Variants in IMMP2L observed in about 807,000 individuals in gnomAD.
IMMP2L encodes the protein mitochondrial inner membrane protease subunit 2.
IMMP2L carries 18 observed loss-of-function variants against 19.3 expected under a neutral mutation model. That is an observed-to-expected ratio of 0.93 (90% confidence interval 0.64 to 1.38). The LOEUF is 1.38. Among genes scored for constraint, IMMP2L ranks in the 40% most tolerant of loss-of-function variants. The probability of loss-of-function intolerance (pLI) is 0.00; values close to 1 mark genes in which losing one functional copy is unlikely to be tolerated. For missense variants in IMMP2L, 233 were observed against 218.2 expected (o/e 1.07, Z -0.43); for synonymous variants, 76 against 73.0 (o/e 1.04, Z -0.21).
At chr7:111,431,624 T>C (rs1836643885) in intron 3 of IMMP2L, among the ~76,000 whole-genome samples, 1 of 151,762 alleles carries the variant, frequency 6.6e-6, no homozygotes, top group Admixed American at 6.6e-5. Context: ...AGAGGGTGGT[T>C]AGGGCCACAA....
intron 3 of IMMP2L, among the ~76,000 whole-genome samples, chr7:111,007,658 T>C (rs1397179731): frequency 6.6e-6 from 1 of 152,110 alleles, no homozygotes; most frequent in Non-Finnish European, 1.5e-5. Context: ...TGTACGTATG[T>C]ACACATATAG....
At chr7:111,084,695 G>A (rs535961405) in intron 3 of IMMP2L, among the ~76,000 whole-genome samples, 21 of 152,280 alleles carry the variant, frequency 1.4e-4, no homozygotes, top group African/African-American at 4.8e-4. Context: ...TGACTTAGGA[G>A]GCTTTGATGT....
intron 5 of IMMP2L, among the ~76,000 whole-genome samples, chr7:110,703,884 C>T (rs952820872): frequency 2.0e-5 from 3 of 150,546 alleles, no homozygotes; most frequent in East Asian, 3.9e-4. Context: ...CTTGCTCTAT[C>T]GCCCAGGCTG....
chr7:111,475,751 A>T (rs1355424609), intron 3 of IMMP2L, among the ~76,000 whole-genome samples: 2 of 152,134 alleles, frequency 1.3e-5, no homozygotes, highest in Non-Finnish European at 2.9e-5. Context: ...ATAGGAAAGG[A>T]TTTTGATCTC....
chr7:111,171,087 A>G (rs951405240), intron 3 of IMMP2L, among the ~76,000 whole-genome samples: 7 of 151,764 alleles, frequency 4.6e-5, no homozygotes, highest in African/African-American at 1.7e-4. Flanking sequence ...CTGAGAAATC[A>G]GTATAAAAAT....
At chr7:110,993,147 A>G (rs772767114) in intron 3 of IMMP2L, among the ~76,000 whole-genome samples, 46 of 152,264 alleles carry the variant, frequency 3.0e-4, no homozygotes, top group Middle Eastern at 3.4e-3. Flanking sequence ...AGGTTTCCCT[A>G]AGGCTTTCCT....
intron 3 of IMMP2L, among the ~76,000 whole-genome samples, chr7:111,417,182 T>C (rs1326793386): frequency 6.6e-6 from 1 of 151,664 alleles, no homozygotes; most frequent in East Asian, 1.9e-4. Flanking sequence ...GCCTCCTCAT[T>C]TGAAAATGTC....
chr7:110,849,152 C>G (rs1225050583), intron 5 of IMMP2L, among the ~76,000 whole-genome samples: 3 of 151,986 alleles, frequency 2.0e-5, no homozygotes, highest in African/African-American at 7.2e-5. Context: ...GTGGGAGAAG[C>G]TGGGGTATGT....
intron 3 of IMMP2L, among the ~76,000 whole-genome samples, chr7:111,393,773 A>T (rs1832615440): frequency 6.6e-6 from 1 of 152,194 alleles, no homozygotes; most frequent in Non-Finnish European, 1.5e-5. Context: ...AGTTTATCCT[A>T]TACTTACATT....
intron 3 of IMMP2L, among the ~76,000 whole-genome samples, chr7:111,303,467 A>G (rs555143172): frequency 5.3e-5 from 8 of 152,176 alleles, no homozygotes; most frequent in Admixed American, 3.9e-4. Context: ...TATTTCTGCA[A>G]TGCTTTTACT....
intron 4 of IMMP2L, among the ~76,000 whole-genome samples, chr7:110,909,653 G>A (rs1393524975): frequency 6.6e-6 from 1 of 151,976 alleles, no homozygotes; most frequent in African/African-American, 2.4e-5. Flanking sequence ...TACTCTCTGG[G>A]GTTAACAAAA....
At chr7:111,380,878 C>CA (rs1831134327) in intron 3 of IMMP2L, among the ~76,000 whole-genome samples, 2 of 151,110 alleles carry the variant, frequency 1.3e-5, no homozygotes, top group Non-Finnish European at 2.9e-5. Context: ...GTATTCTCCA[C>CA]AAAAAAGTAA....
chr7:111,016,089 T>C (rs1825487609), intron 3 of IMMP2L, among the ~76,000 whole-genome samples: 1 of 152,022 alleles, frequency 6.6e-6, no homozygotes, highest in African/African-American at 2.4e-5. Flanking sequence ...AATATGAAAT[T>C]CTCTTGCCTG....
At chr7:111,188,733 C>G (rs2214447) in intron 3 of IMMP2L, among the ~76,000 whole-genome samples, 12 of 152,020 alleles carry the variant, frequency 7.9e-5, no homozygotes, top group African/African-American at 2.9e-4. Context: ...TTAATTGGCA[C>G]TTGCACACAA....
intron 3 of IMMP2L, among the ~76,000 whole-genome samples, chr7:111,221,512 A>G (rs543136900): frequency 1.3e-5 from 2 of 151,716 alleles, no homozygotes; most frequent in South Asian, 2.1e-4. Flanking sequence ...AGAGAGAGAG[A>G]GCAAGAGAGA....
intron 3 of IMMP2L, among the ~76,000 whole-genome samples, chr7:111,122,116 A>C (rs1366867896): frequency 6.6e-6 from 1 of 151,860 alleles, no homozygotes; most frequent in Non-Finnish European, 1.5e-5. Context: ...AGATATACCT[A>C]ATGTTAAATG....
chr7:111,080,291 T>C (rs755578253), intron 3 of IMMP2L, among the ~76,000 whole-genome samples: 1 of 152,066 alleles, frequency 6.6e-6, no homozygotes, highest in Non-Finnish European at 1.5e-5. Flanking sequence ...ACTCTTCCAT[T>C]AAGAGAATAA....
rs192394255 is a variant in IMMP2L, at chr7:111,147,181, T to C, written c.240-183616A>G. Among the ~76,000 whole-genome samples the C allele has an allele frequency of 2.7e-3, 413 of 152,256 alleles. 1 individual carries two copies. The highest frequency in any genetic ancestry group is 6.8e-3 in the Middle Eastern group (2 of 294). On this transcript the variant is annotated intron_variant, in intron 3 of 5. Coordinates refer to ENST00000405709, the MANE Select transcript of IMMP2L (RefSeq NM_032549.4). ...TTTTCCATTATTCCCTAACTAAATT[T>C]TGTTTCCTCTCAGGTCAGGGGGCTG...
chr7:111,249,871 TTCC>T (rs1815878572), intron 3 of IMMP2L, among the ~76,000 whole-genome samples: 1 of 152,132 alleles, frequency 6.6e-6, no homozygotes. Context: ...TCTTTCAACA[TTCC>T]CGTTCAACAC....
Sources: allele counts gnomAD v4.1 joint callset (sites outside exome capture counted in the v4.1 genomes callset), GRCh38; gene constraint gnomAD v4.1.1; transcripts MANE v1.5; gene names NCBI Gene and HGNC (gene_info 2026-07-23, HGNC 2026-07-21).